Variants in PGM1 observed in about 807,000 individuals in gnomAD.
PGM1 encodes phosphoglucomutase 1, also known as phosphoglucomutase-1.
PGM1 carries 52 observed loss-of-function variants against 55.6 expected under a neutral mutation model. The ratio of observed to expected loss-of-function variants is 0.94; its 90% CI spans 0.75 to 1.18. The LOEUF is 1.18. PGM1 is among the 50% of genes most tolerant of loss of function. The probability of loss-of-function intolerance (pLI) is 0.00; values close to 1 mark genes in which losing one functional copy is unlikely to be tolerated. For synonymous variants in PGM1, 287 were observed against 271.7 expected (o/e 1.06, Z -0.55); for missense variants, 724 against 729.3 (o/e 0.99, Z 0.08).
At chr1:63,635,418 G>A (rs1001599945) in intron 5 of PGM1, among the ~76,000 whole-genome samples, 2 of 152,132 alleles carry the variant, frequency 1.3e-5, no homozygotes, top group Non-Finnish European at 2.9e-5. Context: ...ATTCACATGA[G>A]CTGAATATTG....
chr1:63,600,089 G>A (rs1050194115), intron 1 of PGM1: 1 of 152,188 alleles, frequency 6.6e-6, no homozygotes, highest in African/African-American at 2.4e-5. Flanking sequence ...GATAGTGTGC[G>A]ATAGAAGATG....
At chr1:63,596,329 T>G (rs1006621093) in intron 1 of PGM1, among the ~76,000 whole-genome samples, 2 of 142,048 alleles carry the variant, frequency 1.4e-5, no homozygotes, top group African/African-American at 5.2e-5. Context: ...CGCAATCAGC[T>G]CACTGCAACC....
rs545457280 is a variant in PGM1, at chr1:63,593,574, T to C, written c.86T>C (p.Phe29Ser). The C allele has an allele frequency of 6.2e-7, 1 of 1,613,656 alleles. No individual in the cohort carries two copies. The highest frequency in any genetic ancestry group is 2.2e-5 in the East Asian group (1 of 44,874). ...TSGLRKRVKV[F>S]QSSANYAENF... is the part of the protein sequence containing the mutation. ...GGGCTGCGGAAGCGGGTGAAGGTGT[T>C]CCAGAGCAGCGCCAACTACGCGGAG... The change falls in exon 1 of 11, where the codon TTC becomes TCC. Residue 29 changes from phenylalanine to serine, a missense_variant. Coordinates refer to ENST00000371084, the MANE Select transcript of PGM1 (RefSeq NM_002633.3).
Position 63,633,479 on chromosome 1 carries a change from C to T in PGM1, c.683-1350C>T, listed in dbSNP as rs531652318. Among the ~76,000 whole-genome samples the T allele has an allele frequency of 1.3e-3, 202 of 152,234 alleles. 2 individuals are homozygous for T. Among genetic ancestry groups the T allele is most frequent in the Admixed American group, 2.9e-3 (44 of 15,286 alleles). On this transcript the variant is annotated intron_variant, in intron 4 of 10. Transcript: ENST00000371084. The stretch of plus-strand genomic sequence containing the variant: ...TCAGTAACCTGCTTAATAGGTGATG[C>T]CTCATAGGACACATTTATTCTACAG...
intron 4 of PGM1, among the ~76,000 whole-genome samples, chr1:63,633,001 C>T (rs375355949): frequency 1.1e-4 from 17 of 152,140 alleles, no homozygotes; most frequent in African/African-American, 4.1e-4. Context: ...CCAGCCTGGG[C>T]GACAAAGCAA....
At chr1:63,625,256 A>T (rs1039234309) in intron 1 of PGM1, among the ~76,000 whole-genome samples, 4 of 152,200 alleles carry the variant, frequency 2.6e-5, no homozygotes, top group Admixed American at 6.5e-5. Flanking sequence ...AAGGTTTGCT[A>T]AATAATACAT....
chr1:63,633,932 ATTT>A lies in PGM1; in HGVS notation c.683-870_683-868del, dbSNP rs60609353. Among the ~76,000 whole-genome samples the A allele has an allele frequency of 4.4e-3, 157 of 35,354 alleles. 13 individuals are homozygous for A. The highest frequency in any genetic ancestry group is 0.022 in the South Asian group (27 of 1,244). The allele number at this position is 35,354 out of a possible 152,430, so 23.2% of individuals were successfully genotyped here. On this transcript the variant is annotated intron_variant, in intron 4 of 10. Coordinates refer to ENST00000371084, the MANE Select transcript of PGM1 (RefSeq NM_002633.3). Reference sequence around the variant, plus strand: ...TGTGTGTGTGTGTATATATATATATATTTTTTTTTTTTTTTTTTTTTTTTTTTT... The same window carrying A: ...TGTGTGTGTGTGTATATATATATATATTTTTTTTTTTTTTTTTTTTTTTTT...
chr1:63,648,522 G>A lies in PGM1; in HGVS notation c.1150G>A (p.Asp384Asn). Residue 384 changes from aspartate to asparagine, a missense_variant, in exon 8 of 11, where the codon GAC becomes AAC. Physicochemically the swap from Asp to Asn is conservative, Grantham distance 23. This residue lies in a region of PGM1 where 316 missense variants were observed against 313.1 expected (regional missense o/e 1.01). Transcript: ENST00000371084. ...CGEESFGTGS[D>N]HIREKDGLWA... ...GCTTGCTGTCCCCCCTCCAGGTTCTGACCACATCCGTGAGAAAGATGGACT... is the reference window on the plus strand; with the variant it reads ...GCTTGCTGTCCCCCCTCCAGGTTCTAACCACATCCGTGAGAAAGATGGACT... 6.2e-7 allele frequency: 1 copy of A among 1,614,088 alleles called. No individual in the cohort carries two copies. Among genetic ancestry groups the A allele is most frequent in the Non-Finnish European group, 8.5e-7 (1 of 1,180,004 alleles).
In PGM1 at chr1:63,659,916, T is replaced by G. The variant is rs1650073248; in HGVS notation, c.*241T>G. 3.3e-6 allele frequency: 2 copies of G among 598,400 alleles called. No homozygotes were observed. The highest frequency in any genetic ancestry group is 1.8e-5 in the African/African-American group (1 of 54,110). The allele number at this position is 598,400 out of a possible 1,614,324, so 37.1% of individuals were successfully genotyped here. On this transcript the variant is annotated 3_prime_UTR_variant, in exon 11 of 11. Transcript: ENST00000371084. ...AATTCCTTTTCATGCCCTCCTGCAT[T>G]GCTGCTGCGTGGGTATTTGTCTCCT...
chr1:63,640,101 T>TGAATGCCCAATGAGCCTAG (rs1553121608), intron 7 of PGM1, among the ~76,000 whole-genome samples: 1 of 152,206 alleles, frequency 6.6e-6, no homozygotes, highest in Non-Finnish European at 1.5e-5. Context: ...GGATACTACA[T>TGAATGCCCAATGAGCCTAG]GAGTGCCCAA....
intron 10 of PGM1, among the ~76,000 whole-genome samples, chr1:63,656,790 A>G (rs928696322): frequency 6.6e-6 from 1 of 152,214 alleles, no homozygotes; most frequent in African/African-American, 2.4e-5. Flanking sequence ...TGAATCTCAT[A>G]GAAACAGAGC....
rs556559217 is a variant in PGM1 at position 63,593,509 on chromosome 1, T to C, written c.21T>C (p.Val7=). 1.9e-6 allele frequency: 3 copies of C among 1,613,784 alleles called. No individual in the cohort carries two copies. In the South Asian group the frequency reaches 3.3e-5, roughly 18 times the overall value. Residue 7 remains valine, a synonymous_variant, in exon 1 of 11, where the codon GTT becomes GTC. Coordinates refer to ENST00000371084, the MANE Select transcript of PGM1 (RefSeq NM_002633.3). MVKIVT[V]KTQAYQDQKP... ...CCACCATGGTGAAGATCGTGACAGT[T>C]AAGACCCAGGCGTACCAGGACCAGA...
chr1:63,650,456 T>C (rs1649778876), intron 8 of PGM1, among the ~76,000 whole-genome samples: 1 of 152,194 alleles, frequency 6.6e-6, no homozygotes, highest in Non-Finnish European at 1.5e-5. Context: ...TTCTTGTTGT[T>C]TATCATGTTA....
At chr1:63,650,438 G>T (rs934231488) in intron 8 of PGM1, among the ~76,000 whole-genome samples, 1 of 152,174 alleles carries the variant, frequency 6.6e-6, no homozygotes, top group Non-Finnish European at 1.5e-5. Flanking sequence ...CAAACACCTG[G>T]TTGTAATTTC....
At chr1:63,618,842 G>T (rs2100973202) in intron 1 of PGM1, among the ~76,000 whole-genome samples, 1 of 152,252 alleles carries the variant, frequency 6.6e-6, no homozygotes, top group East Asian at 1.9e-4. Flanking sequence ...TGATGAATCT[G>T]CAAGCCCTAC....
intron 1 of PGM1, among the ~76,000 whole-genome samples, chr1:63,607,320 G>A (rs1403731294): frequency 6.6e-6 from 1 of 152,222 alleles, no homozygotes; most frequent in Non-Finnish European, 1.5e-5. Context: ...AGTATCCCAT[G>A]CTTCTGTGTG....
intron 1 of PGM1, chr1:63,594,234 C>T: frequency 1.5e-6 from 1 of 667,292 alleles, no homozygotes; most frequent in Non-Finnish European, 1.9e-6. Flanking sequence ...CCCGCTGGCT[C>T]GGAGCCCGAC....
intron 1 of PGM1, among the ~76,000 whole-genome samples, chr1:63,600,880 T>C (rs1648222872): frequency 6.6e-6 from 1 of 152,272 alleles, no homozygotes; most frequent in Non-Finnish European, 1.5e-5. Flanking sequence ...AGTATTATTC[T>C]ATTATAAATT....
At chr1:63,627,075 A>G (rs1465150269) in intron 1 of PGM1, among the ~76,000 whole-genome samples, 2 of 102,352 alleles carry the variant, frequency 2.0e-5, no homozygotes, top group South Asian at 4.0e-4. Flanking sequence ...CCACACACAC[A>G]CACACTTTTA....
Sources: allele counts gnomAD v4.1 joint callset (sites outside exome capture counted in the v4.1 genomes callset), GRCh38; gene constraint gnomAD v4.1.1; regional missense constraint gnomAD v4.1.1; transcripts MANE v1.5; gene names NCBI Gene and HGNC (gene_info 2026-07-23, HGNC 2026-07-21).